SCFD2: variants seen among roughly 807,000 people sequenced by gnomAD.
SCFD2 encodes sec1 family domain containing 2.
In SCFD2, 54 loss-of-function variants were observed where a neutral mutation model predicts 58.9. The ratio of observed to expected loss-of-function variants is 0.92; its 90% CI spans 0.74 to 1.15. The LOEUF is 1.15. Ranked by LOEUF, SCFD2 falls within the 50% of genes most tolerant of loss-of-function variation. The probability of loss-of-function intolerance (pLI) is 0.00; values close to 1 mark genes in which losing one functional copy is unlikely to be tolerated. For synonymous variants in SCFD2, 321 were observed against 335.9 expected, an observed-to-expected ratio of 0.96 and a Z score of 0.49; for missense variants, 805 against 836.6, an observed-to-expected ratio of 0.96 and a Z score of 0.47.
chr4:53,182,789 A>G (rs931702124), intron 4 of SCFD2, among the ~76,000 whole-genome samples: 1 of 151,956 alleles, frequency 6.6e-6, no homozygotes, highest in Non-Finnish European at 1.5e-5. Context: ...TCTACAATGA[A>G]CTCAAACAAA....
chr4:52,988,259 A>T (rs1158869766), intron 5 of SCFD2, among the ~76,000 whole-genome samples: 2 of 152,248 alleles, frequency 1.3e-5, no homozygotes, highest in Non-Finnish European at 2.9e-5. Flanking sequence ...CTTACAAATT[A>T]GCAAATTAAG....
At chr4:53,220,641 G>C (rs1001769630) in intron 4 of SCFD2, among the ~76,000 whole-genome samples, 5 of 152,132 alleles carry the variant, frequency 3.3e-5, no homozygotes, top group Admixed American at 2.6e-4. Context: ...GAGTTTTATA[G>C]CATTAGATAC....
chr4:53,058,619 T>C (rs1289582313), intron 5 of SCFD2, among the ~76,000 whole-genome samples: 1 of 152,164 alleles, frequency 6.6e-6, no homozygotes, highest in East Asian at 1.9e-4. Flanking sequence ...AAATTCCAAT[T>C]TTCAGTCACA....
chr4:53,043,438 T>G (rs1722948179), intron 5 of SCFD2, among the ~76,000 whole-genome samples: 1 of 152,180 alleles, frequency 6.6e-6, no homozygotes, highest in African/African-American at 2.4e-5. Flanking sequence ...ATGCTTAATT[T>G]TAAATAATTG....
intron 2 of SCFD2, among the ~76,000 whole-genome samples, chr4:53,341,112 T>C (rs1233219559): frequency 6.6e-6 from 1 of 152,114 alleles, no homozygotes; most frequent in Non-Finnish European, 1.5e-5. Flanking sequence ...GGACAGACAA[T>C]GACTGACAAG....
At chr4:53,133,050 C>T (rs1326360994) in intron 5 of SCFD2, among the ~76,000 whole-genome samples, 4 of 152,176 alleles carry the variant, frequency 2.6e-5, no homozygotes, top group East Asian at 1.9e-4. Flanking sequence ...TGTTTGAGGC[C>T]GGGTGCGGTG....
At chr4:53,092,183 C>A (rs898657475) in intron 5 of SCFD2, among the ~76,000 whole-genome samples, 2 of 152,096 alleles carry the variant, frequency 1.3e-5, no homozygotes, top group African/African-American at 4.8e-5. Flanking sequence ...GTGCTAGAAG[C>A]ATATATACAG....
At chr4:53,242,667 A>C (rs1467649807) in intron 4 of SCFD2, among the ~76,000 whole-genome samples, 3 of 152,242 alleles carry the variant, frequency 2.0e-5, no homozygotes, top group Non-Finnish European at 4.4e-5. Flanking sequence ...TCAGAATATG[A>C]ATAGATATAA....
At chr4:53,014,881 G>T (rs778048909) in intron 5 of SCFD2, among the ~76,000 whole-genome samples, 62 of 152,154 alleles carry the variant, frequency 4.1e-4, no homozygotes, top group Non-Finnish European at 7.9e-4. Flanking sequence ...CCAAAAAATG[G>T]TTAGAGAATC....
At chr4:53,078,831 T>G (rs1445844619) in intron 5 of SCFD2, among the ~76,000 whole-genome samples, 1 of 152,212 alleles carries the variant, frequency 6.6e-6, no homozygotes, top group Non-Finnish European at 1.5e-5. Flanking sequence ...TTATGTCTTG[T>G]TCTTTTACTT....
rs372472803 is a variant in SCFD2, at chr4:53,059,416, G to A, written c.1561+85917C>T. Among the ~76,000 whole-genome samples the A allele has an allele frequency of 5.1e-4, 77 of 152,250 alleles. No individual in the cohort carries two copies. In the South Asian group the frequency reaches 0.015, roughly 30 times the overall value. On this transcript the variant is annotated intron_variant, in intron 5 of 8. Coordinates refer to ENST00000401642, the MANE Select transcript of SCFD2 (RefSeq NM_152540.4). ...TAGATACTTTTAGCTCCATGTTAGA[G>A]ATGAAGAAATCATCGTTTAGAGATG... is the stretch of plus-strand genomic sequence containing the variant.
chr4:53,314,610 A>C (rs1732800187), intron 2 of SCFD2, among the ~76,000 whole-genome samples: 1 of 152,272 alleles, frequency 6.6e-6, no homozygotes, highest in Admixed American at 6.5e-5. Flanking sequence ...TTAAAGCCCT[A>C]CTCACTCTCC....
At chr4:52,953,057 A>T (rs1038832752) in intron 5 of SCFD2, among the ~76,000 whole-genome samples, 1 of 152,200 alleles carries the variant, frequency 6.6e-6, no homozygotes, top group Non-Finnish European at 1.5e-5. Context: ...TCCTTGGAAA[A>T]GTATAAACAA....
At chr4:53,255,802 C>T (rs1730592852) in intron 4 of SCFD2, among the ~76,000 whole-genome samples, 3 of 149,530 alleles carry the variant, frequency 2.0e-5, no homozygotes, top group Non-Finnish European at 3.0e-5. Context: ...GGCAGAGGCG[C>T]CCCTCACCTC....
chr4:53,286,366 C>A (rs1202273392), intron 3 of SCFD2, among the ~76,000 whole-genome samples: 1 of 152,090 alleles, frequency 6.6e-6, no homozygotes, highest in East Asian at 1.9e-4. Flanking sequence ...GGACACAAAG[C>A]CCTAGCCCAG....
chr4:52,976,299 A>G (rs1320931528), intron 5 of SCFD2, among the ~76,000 whole-genome samples: 3 of 152,182 alleles, frequency 2.0e-5, no homozygotes, highest in Non-Finnish European at 4.4e-5. Context: ...AAATGAAGTA[A>G]TACCTACCTG....
chr4:53,292,013 A>G (rs1444957600), intron 3 of SCFD2, among the ~76,000 whole-genome samples: 5 of 152,026 alleles, frequency 3.3e-5, no homozygotes, highest in Non-Finnish European at 7.4e-5. Flanking sequence ...AATTAATTCA[A>G]AATGAATTAA....
intron 4 of SCFD2, among the ~76,000 whole-genome samples, chr4:53,248,484 A>T (rs541198119): frequency 1.3e-5 from 2 of 152,230 alleles, no homozygotes; most frequent in African/African-American, 4.8e-5. Context: ...ACAGACAAAC[A>T]AAAAGACAGC....
intron 5 of SCFD2, among the ~76,000 whole-genome samples, chr4:53,102,887 C>A (rs1724870573): frequency 6.6e-6 from 1 of 151,880 alleles, no homozygotes. Context: ...CAAATTCATT[C>A]ATTACAACTC....
Sources: gnomAD v4.1 joint callset for allele counts (sites outside exome capture counted in the v4.1 genomes callset) on GRCh38, gnomAD v4.1.1 for gene constraint, MANE v1.5 for transcripts, NCBI Gene and HGNC (gene_info 2026-07-23, HGNC 2026-07-21) for gene names.